Variants in KRABD5 observed in about 807,000 individuals in gnomAD.
KRABD5 encodes KRAB domain-containing protein 5.
the KRABD5 span, among the ~76,000 whole-genome samples, chr16:31,737,711 A>G: frequency 6.6e-6 from 1 of 152,140 alleles, no homozygotes; most frequent in East Asian, 1.9e-4. Context: ...TGAGTACAAT[A>G]GCTATGTAGT....
chr16:31,733,429 C>T, the KRABD5 span: 1 of 432,680 alleles, frequency 2.3e-6, no homozygotes, highest in African/African-American at 2.0e-5. Flanking sequence ...TCATCTCAAA[C>T]ATTTTTAAGT....
At chr16:31,748,259 A>G in the KRABD5 span, among the ~76,000 whole-genome samples, 1 of 152,156 alleles carries the variant, frequency 6.6e-6, no homozygotes, top group African/African-American at 2.4e-5. Flanking sequence ...TCCTTTCCCC[A>G]TTTCTAGTTT....
the KRABD5 span, among the ~76,000 whole-genome samples, chr16:31,716,599 C>T: frequency 2.6e-5 from 4 of 152,060 alleles, no homozygotes; most frequent in Admixed American, 1.3e-4. Context: ...AGGCTCATCA[C>T]GAACTCCTGG....
the KRABD5 span, among the ~76,000 whole-genome samples, chr16:31,734,134 T>A: frequency 6.6e-6 from 1 of 152,156 alleles, no homozygotes; most frequent in African/African-American, 2.4e-5. Context: ...ATTATATATA[T>A]GTGTGTGTGT....
At chr16:31,716,578 A>G in the KRABD5 span, among the ~76,000 whole-genome samples, 11 of 152,098 alleles carry the variant, frequency 7.2e-5, no homozygotes, top group East Asian at 7.7e-4. Context: ...GAGGGTCTCA[A>G]TATGTTGCCC....
the KRABD5 span, among the ~76,000 whole-genome samples, chr16:31,726,590 G>A: frequency 6.6e-6 from 1 of 151,982 alleles, no homozygotes; most frequent in African/African-American, 2.4e-5. Context: ...GCAAAACCCC[G>A]TCTCTACTAA....
chr16:31,727,343 C>T, the KRABD5 span, among the ~76,000 whole-genome samples: 24 of 152,314 alleles, frequency 1.6e-4, no homozygotes, highest in African/African-American at 2.2e-4. Flanking sequence ...GGAAGGTTCA[C>T]GGCTTCACTC....
chr16:31,739,626 TTAAAA>T, the KRABD5 span, among the ~76,000 whole-genome samples: 9 of 152,326 alleles, frequency 5.9e-5, no homozygotes, highest in East Asian at 1.9e-4. Context: ...CCATCATTTC[TTAAAA>T]TAAAGTTTCT....
At chr16:31,713,601 A>G in the KRABD5 span, 4 of 1,036,586 alleles carry the variant, frequency 3.9e-6, no homozygotes, top group African/African-American at 1.7e-5. Context: ...GGCAGCCGGG[A>G]CCCCGCGCGT....
At chr16:31,713,480 G>A in the KRABD5 span, 5 of 1,587,226 alleles carry the variant, frequency 3.2e-6, no homozygotes, top group Non-Finnish European at 4.3e-6. Context: ...GAGAGGGGCG[G>A]TCGGAAGCGG....
the KRABD5 span, among the ~76,000 whole-genome samples, chr16:31,744,491 A>G: frequency 2.6e-5 from 4 of 152,178 alleles, no homozygotes; most frequent in East Asian, 7.7e-4. Context: ...ATCGTGGTGG[A>G]TAAGTTTTTT....
chr16:31,759,168 G>T, the KRABD5 span: 1 of 518,102 alleles, frequency 1.9e-6, no homozygotes, highest in East Asian at 3.2e-5. Flanking sequence ...AGTCATAATA[G>T]CCCAAAACAG....
the KRABD5 span, chr16:31,759,644 C>T: frequency 2.5e-6 from 1 of 400,266 alleles, no homozygotes; most frequent in South Asian, 2.9e-5. Context: ...AAGCTGGGGG[C>T]AGGTCTATAT....
chr16:31,738,569 CT>C, the KRABD5 span, among the ~76,000 whole-genome samples: 1 of 151,938 alleles, frequency 6.6e-6, no homozygotes, highest in African/African-American at 2.4e-5. Flanking sequence ...CATATGTGTT[CT>C]TAGATCTAAA....
At chr16:31,713,305 C>T in the KRABD5 span, 12 of 1,332,472 alleles carry the variant, frequency 9.0e-6, no homozygotes, top group Non-Finnish European at 1.3e-5. Context: ...CAGGGGCTCC[C>T]AGTCCTTCCA....
chr16:31,740,677 C>T, the KRABD5 span, among the ~76,000 whole-genome samples: 1 of 151,360 alleles, frequency 6.6e-6, no homozygotes, highest in Non-Finnish European at 1.5e-5. Flanking sequence ...GCCTGTAGTC[C>T]CAGTGACTCA....
the KRABD5 span, chr16:31,756,846 A>G: frequency 1.3e-4 from 20 of 152,326 alleles, no homozygotes; most frequent in East Asian, 3.9e-3. Flanking sequence ...GGTGAAAGAG[A>G]ACTATACAGG....
At chr16:31,717,593 A>T in the KRABD5 span, among the ~76,000 whole-genome samples, 9 of 152,182 alleles carry the variant, frequency 5.9e-5, no homozygotes, top group African/African-American at 2.2e-4. Flanking sequence ...AGGACTAATT[A>T]TGGTGACTTT....
the KRABD5 span, among the ~76,000 whole-genome samples, chr16:31,750,335 C>G: frequency 4.4e-4 from 67 of 152,196 alleles, no homozygotes; most frequent in Non-Finnish European, 9.1e-4. Flanking sequence ...ATTTGGCACT[C>G]AGCTTGCATG....
Sources: gnomAD v4.1 joint callset for allele counts (sites outside exome capture counted in the v4.1 genomes callset) on GRCh38, gnomAD v4.1.1 for gene constraint, MANE v1.5 for transcripts, NCBI Gene and HGNC (gene_info 2026-07-23, HGNC 2026-07-21) for gene names.